The following CLCC1 variants were observed in gnomAD, a reference collection of about 807,000 sequenced individuals.
The protein encoded by CLCC1 is chloride channel CLIC like 1, also known as chloride channel CLIC-like protein 1.
In CLCC1, 39 loss-of-function variants were observed where a neutral mutation model predicts 63.3. The ratio of observed to expected loss-of-function variants is 0.62; its 90% confidence interval spans 0.48 to 0.81. CLCC1 has a LOEUF of 0.81. Ranked by LOEUF, CLCC1 falls within the 30% of genes least tolerant of loss-of-function variation. The pLI is 0.00. For synonymous variants in CLCC1, 217 were observed against 239.8 expected (o/e 0.90, Z 0.88); for missense variants, 549 against 669.4 (o/e 0.82, Z 1.98).
At chr1:108,941,569 C>A in intron 7 of CLCC1, 71 bp from the exon 8 acceptor site, 1 of 1,070,464 alleles carries the variant, frequency 9.3e-7, no homozygotes, top group Non-Finnish European at 1.4e-6. Flanking sequence ...TCCAAAAGAC[C>A]TTCATTCAAA....
chr1:108,940,448 A>G (rs1653693647), intron 8 of CLCC1, among the ~76,000 whole-genome samples: 1 of 152,352 alleles, frequency 6.6e-6, no homozygotes, highest in Non-Finnish European at 1.5e-5. Flanking sequence ...GAGTACAGGT[A>G]AAATGGGAAG....
At chr1:108,939,333 A>G (rs1330541021) in intron 10 of CLCC1, among the ~76,000 whole-genome samples, 2 of 147,134 alleles carry the variant, frequency 1.4e-5, no homozygotes, top group South Asian at 2.1e-4. Flanking sequence ...TTGAGACGGA[A>G]TCTTGCTCTG....
chr1:108,963,475 C>T lies in CLCC1; in HGVS notation c.-287G>A, dbSNP rs967672736. 30 of 701,836 alleles carry T rather than the reference C, an allele frequency of 4.3e-5. No individual in the cohort carries two copies. The highest frequency in any genetic ancestry group is 6.5e-5 in the Non-Finnish European group (25 of 384,468). The allele number at this position is 701,836 out of a possible 1,614,324, so 43.5% of individuals were successfully genotyped here. ...CAGCGTGCTTCCTGGGCCTCGTCAT[C>T]GAATTGTTCGGCTGACGGCTGCGTG... On this transcript the variant is annotated 5_prime_UTR_variant, in exon 1 of 13. Coordinates refer to ENST00000369969, the MANE Select transcript of CLCC1 (RefSeq NM_001377458.1).
chr1:108,950,210 T>A, intron 3 of CLCC1, 99 bp downstream of exon 3: 1 of 1,185,760 alleles, frequency 8.4e-7, no homozygotes, highest in Non-Finnish European at 1.2e-6. Flanking sequence ...TAATCATGGA[T>A]CCATGACCCT....
At chr1:108,955,573 A>C (rs913379282) in intron 2 of CLCC1, among the ~76,000 whole-genome samples, 1 of 151,476 alleles carries the variant, frequency 6.6e-6, no homozygotes, top group Non-Finnish European at 1.5e-5. Context: ...GACTGGACTA[A>C]GGAAAACCTA....
intron 5 of CLCC1, among the ~76,000 whole-genome samples, chr1:108,946,037 C>T (rs1223595459): frequency 1.3e-5 from 2 of 151,658 alleles, no homozygotes; most frequent in Non-Finnish European, 2.9e-5. Flanking sequence ...TGGCCGGGCG[C>T]GGTGGCTCAT....
At chr1:108,939,063 G>A (rs1653419327) in intron 10 of CLCC1, among the ~76,000 whole-genome samples, 1 of 151,172 alleles carries the variant, frequency 6.6e-6, no homozygotes, top group African/African-American at 2.4e-5. Context: ...AATAATTTTA[G>A]CATTGCCTTT....
intron 4 of CLCC1, 105 bp from the exon 5 acceptor site, chr1:108,947,823 G>T: frequency 1.3e-6 from 1 of 747,868 alleles, no homozygotes; most frequent in Non-Finnish European, 2.2e-6. Context: ...GGAGCTAGTT[G>T]TTTTGATCAA....
At position 108,939,303 on chromosome 1, in the gene CLCC1, T is replaced by TAC. The variant is rs1394629209; in HGVS notation, c.1041+332_1041+333insGT. Among the ~76,000 whole-genome samples, 35 of 146,112 alleles carry TAC rather than the reference T, an allele frequency of 2.4e-4. 1 individual carries two copies. Among genetic ancestry groups the TAC allele is most frequent in the South Asian group, 2.3e-3 (11 of 4,742 alleles). On this transcript the variant is annotated intron_variant, in intron 10 of 12. Transcript: ENST00000369969. Reference sequence around the variant, plus strand: ...AGATAGATATATAAATATACATATATGTATAATTTTTTTTTTTTTTTGAGA... The same window carrying TAC: ...AGATAGATATATAAATATACATATATACGTATAATTTTTTTTTTTTTTTGAGA...
intron 2 of CLCC1, among the ~76,000 whole-genome samples, chr1:108,956,931 AAG>A (rs1655994359): frequency 1.0e-5 from 1 of 98,662 alleles, no homozygotes; most frequent in Admixed American, 1.1e-4. Flanking sequence ...GACCACAGTA[AAG>A]AGTGTGGTTT....
At chr1:108,938,053 G>A (rs2101629606) in intron 10 of CLCC1, among the ~76,000 whole-genome samples, 1 of 152,254 alleles carries the variant, frequency 6.6e-6, no homozygotes, top group Admixed American at 6.5e-5. Context: ...CATTCCAGAT[G>A]CTAGAGTGAC....
chr1:108,937,364 G>T lies in CLCC1; in HGVS notation c.1096C>A (p.Pro366Thr), dbSNP rs1653171295. The change falls in exon 11 of 13, where the codon CCT becomes ACT. Residue 366 changes from proline (P) to threonine (T), a missense_variant. By Grantham distance (38) the Pro-to-Thr change is conservative (BLOSUM62 -1). Coordinates refer to ENST00000369969, the MANE Select transcript of CLCC1 (RefSeq NM_001377458.1). ...AGTGCCTGGGGAGGTTCGCTCTCAG[G>T]ACCGCCTATATGTCTCAGCACATGA... ...SVHVLRHIGG[P>T]ESEPPQALRP... The T allele has an allele frequency of 6.2e-7, 1 of 1,613,970 alleles. No homozygotes were observed. Among genetic ancestry groups the T allele is most frequent in the Admixed American group, 1.7e-5 (1 of 60,004 alleles).
At chr1:108,939,548 A>G in intron 10 of CLCC1, 88 bp downstream of exon 10, 1 of 1,161,352 alleles carries the variant, frequency 8.6e-7, no homozygotes, top group South Asian at 1.5e-5. Context: ...TGACCTCGTG[A>G]TCCGCCCGCC....
chr1:108,936,745 C>T (rs998003100), intron 11 of CLCC1, among the ~76,000 whole-genome samples: 2 of 152,178 alleles, frequency 1.3e-5, no homozygotes, highest in Admixed American at 6.5e-5. Context: ...CCTAGAGCTC[C>T]GGGCCTTCAG....
In CLCC1 at chr1:108,934,895, G is replaced by A; in HGVS notation, c.1431C>T (p.Ile477=). ...LDTKPKETGG[I]LGEGTPKESS... is the part of the protein sequence containing the mutation. ...TTTCTTTCGGTGTGCCTTCCCCCAG[G>A]ATTCCACCTGTCTCCTTGGGCTTTG... is the stretch of plus-strand genomic sequence containing the variant. Residue 477 remains isoleucine, a synonymous_variant, in exon 12 of 13, where the codon ATC becomes ATT. Coordinates refer to ENST00000369969, the MANE Select transcript of CLCC1 (RefSeq NM_001377458.1). The A allele has an allele frequency of 1.2e-6, 2 of 1,614,096 alleles. No individual in the cohort carries two copies.
At position 108,949,865 on chromosome 1, in the gene CLCC1, A is replaced by C; in HGVS notation, c.186T>G (p.Asp62Glu). ...GTTTGTGATAACATTCTGATATTTCATCAGCACATGACAAGTCAGGACTGA... is the reference window on the plus strand; with the variant it reads ...GTTTGTGATAACATTCTGATATTTCCTCAGCACATGACAAGTCAGGACTGA... The part of the protein sequence containing the change: ...KDVSPDLSCA[D>E]EISECYHKLD... Residue 62 changes from aspartate (D) to glutamate (E), a missense_variant, in exon 4 of 13, where the codon GAT (aspartate) becomes GAG (glutamate). By Grantham distance (45) the Asp-to-Glu change is conservative. Transcript: ENST00000369969. The C allele has an allele frequency of 6.3e-7, 1 of 1,598,004 alleles. No individual in the cohort carries two copies. The highest frequency in any genetic ancestry group is 8.5e-7 in the Non-Finnish European group (1 of 1,174,344).
chr1:108,963,236 C>T (rs989180035), intron 1 of CLCC1, 125 bp downstream of exon 1: 2 of 601,958 alleles, frequency 3.3e-6, no homozygotes, highest in Non-Finnish European at 3.0e-6. Context: ...TAGCACGGTC[C>T]CCGCCCCGGG....
intron 1 of CLCC1, 107 bp downstream of exon 1, chr1:108,963,254 T>C (rs1041761899): frequency 4.8e-6 from 3 of 624,676 alleles, no homozygotes; most frequent in African/African-American, 3.7e-5. Context: ...GGGTCGCGCC[T>C]GCGGCCTCCC....
At chr1:108,948,411 A>AC (rs201135847) in intron 4 of CLCC1, among the ~76,000 whole-genome samples, 2,772 of 152,266 alleles carry the variant, frequency 0.018, 43 homozygotes, top group South Asian at 0.07. Flanking sequence ...GGTAGTGGGT[A>AC]TTTTTCAAAC....
Sources: gnomAD v4.1 joint callset for allele counts (sites outside exome capture counted in the v4.1 genomes callset) on GRCh38, gnomAD v4.1.1 for gene constraint, MANE v1.5 for transcripts, NCBI Gene and HGNC (gene_info 2026-07-23, HGNC 2026-07-21) for gene names.